VTA1: variants seen among roughly 807,000 people sequenced by gnomAD.
VTA1 encodes the protein vesicle trafficking 1.
Under a neutral mutation model 36.9 loss-of-function variants are expected in VTA1, and 24 were observed. The ratio of observed to expected loss-of-function variants is 0.65; its 90% CI spans 0.47 to 0.91. The LOEUF is 0.91. Ranked by LOEUF, VTA1 falls within the 40% of genes least tolerant of loss-of-function variation. The probability of loss-of-function intolerance (pLI) is 0.00; values close to 1 mark genes in which losing one functional copy is unlikely to be tolerated. For synonymous variants in VTA1, 142 were observed against 130.2 expected, an observed-to-expected ratio of 1.09 and a Z score of -0.62; for missense variants, 393 against 377.2, an observed-to-expected ratio of 1.04 and a Z score of -0.35.
intron 7 of VTA1, 122 bp from the exon 8 acceptor site, chr6:142,218,376 T>G: frequency 9.7e-7 from 1 of 1,031,958 alleles, no homozygotes; most frequent in Non-Finnish European, 1.4e-6. Flanking sequence ...TGAGATTGAC[T>G]AAAACTACTG....
rs73777136 is a variant in VTA1 at position 142,201,740 on chromosome 6, G to A, written c.698-2245G>A. On this transcript the variant is annotated intron_variant, in intron 6 of 7. Transcript: ENST00000367630. ...CTGTAAGCTTTGATAACCTGTTGTT[G>A]ATACTCTGGCCTACGCATTTCTCTC... is the stretch of plus-strand genomic sequence containing the variant. Among the ~76,000 whole-genome samples the A allele has an allele frequency of 1.3e-3, 195 of 152,012 alleles. 2 individuals are homozygous for A. Among genetic ancestry groups the A allele is most frequent in the African/African-American group, 4.4e-3 (183 of 41,552 alleles).
At chr6:142,212,428 A>G (rs1438363395) in intron 7 of VTA1, among the ~76,000 whole-genome samples, 1 of 152,186 alleles carries the variant, frequency 6.6e-6, no homozygotes, top group East Asian at 1.9e-4. Flanking sequence ...AAAGCTATAT[A>G]CTGTATAATT....
rs562296508 is a variant in VTA1 at position 142,159,638 on chromosome 6, C to T, written c.113-6590C>T. On this transcript the variant is annotated intron_variant, in intron 1 of 7. Transcript: ENST00000367630. Reference sequence around the variant, plus strand: ...AAGCAATTTTCCTGCCGCAGCCTCCCTAGTAGCTGGGACTACAGGTGCCTG... The same window carrying T: ...AAGCAATTTTCCTGCCGCAGCCTCCTTAGTAGCTGGGACTACAGGTGCCTG... Among the ~76,000 whole-genome samples the T allele has an allele frequency of 5.3e-3, 797 of 151,524 alleles. 5 individuals carry two copies. Among genetic ancestry groups the T allele is most frequent in the Non-Finnish European group, 8.4e-3 (570 of 67,852 alleles).
rs1776097293 is a variant in VTA1, at chr6:142,220,847, T to C, written c.*2204T>C. 6.6e-6 allele frequency: 1 copy of C among 152,042 alleles called. No individual in the cohort carries two copies. The highest frequency in any genetic ancestry group is 2.4e-5 in the African/African-American group (1 of 41,396). 9.4% of individuals were successfully genotyped at this position (152,042 alleles called of 1,614,324 possible). On this transcript the variant is annotated 3_prime_UTR_variant, in exon 8 of 8. Coordinates refer to ENST00000367630, the MANE Select transcript of VTA1 (RefSeq NM_016485.5). ...CTGAATGGCTACTATATGCCTGGTA[T>C]TGTTCTTTGAAAGCAGAAACAGCAG...
rs763634462 is a variant in VTA1, at chr6:142,165,980, C to CT, written c.113-233dup. ...GACAGCTTAGGACATACCTAGTCCTCTTTTTTTTTTTTTTTAACATAATAC... is the reference window on the plus strand; with the variant it reads ...GACAGCTTAGGACATACCTAGTCCTCTTTTTTTTTTTTTTTTAACATAATAC... On this transcript the variant is annotated intron_variant, in intron 1 of 7. Transcript: ENST00000367630. Among the ~76,000 whole-genome samples, 1,115 of 133,388 alleles carry CT rather than the reference C, an allele frequency of 8.4e-3. 9 individuals carry two copies. The highest frequency in any genetic ancestry group is 0.03 in the East Asian group (138 of 4,570). The allele number at this position is 133,388 out of a possible 152,430, so 87.5% of individuals were successfully genotyped here. A position where few individuals can be genotyped will look rare whatever the true frequency, so the allele number is the denominator to read the frequency against.
At chr6:142,157,694 G>A (rs929080249) in intron 1 of VTA1, among the ~76,000 whole-genome samples, 1 of 151,992 alleles carries the variant, frequency 6.6e-6, no homozygotes, top group Non-Finnish European at 1.5e-5. Flanking sequence ...CAAAGTGGAA[G>A]CTTATATACT....
At chr6:142,179,176 AT>A (rs916964424) in intron 4 of VTA1, among the ~76,000 whole-genome samples, 2 of 152,104 alleles carry the variant, frequency 1.3e-5, no homozygotes, top group South Asian at 2.1e-4. Context: ...CGATAGAATA[AT>A]TTTTTTAAAT....
At chr6:142,149,419 A>G (rs1778522490) in intron 1 of VTA1, among the ~76,000 whole-genome samples, 1 of 152,198 alleles carries the variant, frequency 6.6e-6, no homozygotes, top group Non-Finnish European at 1.5e-5. Context: ...AAACTTTTTA[A>G]TTTTTGACAA....
At chr6:142,191,118 T>C (rs1024845118) in intron 5 of VTA1, among the ~76,000 whole-genome samples, 3 of 152,174 alleles carry the variant, frequency 2.0e-5, no homozygotes, top group Non-Finnish European at 4.4e-5. Context: ...TAACTAAAGA[T>C]GGTCTACAGT....
intron 6 of VTA1, chr6:142,198,912 T>C: frequency 5.2e-6 from 1 of 194,114 alleles, no homozygotes; most frequent in East Asian, 1.3e-4. Flanking sequence ...TTTTCTTCTC[T>C]TCCCTTTCTT....
intron 2 of VTA1, among the ~76,000 whole-genome samples, chr6:142,166,749 G>C (rs572113073): frequency 6.6e-6 from 1 of 151,946 alleles, no homozygotes; most frequent in South Asian, 2.1e-4. Flanking sequence ...AGCCTCCCAC[G>C]TAGCTAGGAC....
At chr6:142,158,032 T>G (rs1221185173) in intron 1 of VTA1, among the ~76,000 whole-genome samples, 1 of 140,010 alleles carries the variant, frequency 7.1e-6, no homozygotes, top group East Asian at 2.1e-4. Context: ...AAATAGAAGT[T>G]AAAAAAAAAA....
intron 1 of VTA1, among the ~76,000 whole-genome samples, chr6:142,165,847 A>C (rs1774903776): frequency 6.6e-6 from 1 of 152,104 alleles, no homozygotes; most frequent in East Asian, 1.9e-4. Flanking sequence ...ATCCCAGCCC[A>C]TTTTGAATAT....
chr6:142,160,210 T>G (rs778130109), intron 1 of VTA1, among the ~76,000 whole-genome samples: 2 of 152,290 alleles, frequency 1.3e-5, no homozygotes, highest in Non-Finnish European at 2.9e-5. Context: ...AAGTAGCCTT[T>G]GCTCTAGGGA....
Position 142,198,478 on chromosome 6 carries a change from C to G in VTA1, c.560C>G (p.Pro187Arg), listed in dbSNP as rs534195199. The G allele has an allele frequency of 4.3e-6, 7 of 1,613,948 alleles. No individual in the cohort carries two copies. The East Asian group carries it at 1.6e-4, about 36-fold the overall frequency. Residue 187 changes from proline to arginine, a missense_variant, in exon 6 of 8, where the codon CCC becomes CGC. By Grantham distance (103) the Pro-to-Arg change is moderately radical. Coordinates refer to ENST00000367630, the MANE Select transcript of VTA1 (RefSeq NM_016485.5). ...GAAGATGCTGGAGCAGCCTCTCTGC[C>G]CACTCAGCCAACTCAGCCATCATCA... ...ENEDAGAASLPTQPTQPSSSS... is the reference protein window; with the variant it reads ...ENEDAGAASLRTQPTQPSSSS...
In VTA1 at chr6:142,147,437, G is replaced by A. The variant is rs184047801; in HGVS notation, c.112+38G>A. The A allele has an allele frequency of 5.6e-6, 9 of 1,593,430 alleles. No homozygotes were observed. In the Admixed American group the frequency reaches 1.6e-4, roughly 28 times the overall value. ...GAGTGGCCGCGCCCTTTCTTTCCCA[G>A]TTGCATTTTAGGGCCCACACACCTC... On this transcript the variant is annotated intron_variant, in intron 1 of 7. Coordinates refer to ENST00000367630, the MANE Select transcript of VTA1 (RefSeq NM_016485.5).
rs113726412 is a variant in VTA1, at chr6:142,207,970, C to G, written c.778+3905C>G. On this transcript the variant is annotated intron_variant, in intron 7 of 7. Transcript: ENST00000367630. Reference sequence around the variant, plus strand: ...GGCATGGTGGTGCATGCCTATAATCCCAGCTACTTGGGAGGCTGAGGCAGG... The same window carrying G: ...GGCATGGTGGTGCATGCCTATAATCGCAGCTACTTGGGAGGCTGAGGCAGG... 2.6e-5 allele frequency among the ~76,000 whole-genome samples: 4 copies of G among 151,756 alleles called. No individual in the cohort carries two copies. In the South Asian group the frequency reaches 6.2e-4, roughly 24 times the overall value.
intron 7 of VTA1, among the ~76,000 whole-genome samples, chr6:142,213,029 C>T (rs1775933285): frequency 1.3e-5 from 2 of 152,296 alleles, no homozygotes; most frequent in South Asian, 4.1e-4. Context: ...AGTCTTAACT[C>T]GTTTCAGCAT....
chr6:142,179,539 A>G (rs975820848), intron 4 of VTA1, among the ~76,000 whole-genome samples: 2 of 152,166 alleles, frequency 1.3e-5, no homozygotes, highest in South Asian at 4.1e-4. Flanking sequence ...GACTGCTGAT[A>G]TAACCTACAA....
Sources: gnomAD v4.1 joint callset for allele counts (sites outside exome capture counted in the v4.1 genomes callset) on GRCh38, gnomAD v4.1.1 for gene constraint, MANE v1.5 for transcripts, NCBI Gene and HGNC (gene_info 2026-07-23, HGNC 2026-07-21) for gene names.